The following C10orf143 variants were observed in gnomAD, a reference collection of about 807,000 sequenced individuals.
C10orf143 encodes the protein chromosome 10 open reading frame 143.
chr10:130,086,926 CA>C (rs1180175268), intron 1 of C10orf143, among the ~76,000 whole-genome samples: 12 of 152,184 alleles, frequency 7.9e-5, no homozygotes, highest in Non-Finnish European at 4.4e-5. Context: ...TGATTATCTG[CA>C]ATGAAAAGCT....
chr10:130,087,551 A>G (rs1861311921), intron 1 of C10orf143, among the ~76,000 whole-genome samples: 2 of 152,186 alleles, frequency 1.3e-5, no homozygotes, highest in Admixed American at 6.5e-5. Context: ...CACAGATCTC[A>G]GGAAGTCTTG....
chr10:130,042,869 G>A (rs940770477), intron 3 of C10orf143, among the ~76,000 whole-genome samples: 1 of 152,208 alleles, frequency 6.6e-6, no homozygotes, highest in African/African-American at 2.4e-5. Flanking sequence ...ACTCTATTAA[G>A]GAATTATGGA....
intron 1 of C10orf143, chr10:130,108,120 C>T: frequency 6.4e-7 from 1 of 1,552,158 alleles, no homozygotes. Context: ...TTTGTTCCTC[C>T]ACCTCTTGCC....
At chr10:130,091,600 G>A (rs755962259) in intron 1 of C10orf143, among the ~76,000 whole-genome samples, 14 of 152,102 alleles carry the variant, frequency 9.2e-5, no homozygotes, top group Non-Finnish European at 1.8e-4. Flanking sequence ...TTCAGAAGAT[G>A]GGTAATAACA....
intron 3 of C10orf143, among the ~76,000 whole-genome samples, chr10:130,047,573 C>A (rs995602376): frequency 6.6e-6 from 1 of 152,178 alleles, no homozygotes; most frequent in African/African-American, 2.4e-5. Context: ...ACTAAGGCCC[C>A]CCGCACTCCA....
In C10orf143 at chr10:130,064,168, C is replaced by T. The variant is rs1204448645; in HGVS notation, c.*186G>A. The T allele has an allele frequency of 3.1e-5, 12 of 390,808 alleles. No homozygotes were observed. In the South Asian group the frequency reaches 1.2e-3, roughly 37 times the overall value. 24.2% of individuals were successfully genotyped at this position (390,808 alleles called of 1,614,324 possible). On this transcript the variant is annotated 3_prime_UTR_variant, in exon 4 of 4. Transcript: ENST00000637128. ...TGAAGTGATGTGGATTCTCCTGGCT[C>T]TCGTGCAGAGGATGGTGGATTTACT...
intron 1 of C10orf143, 129 bp downstream of exon 1, chr10:130,110,575 G>A (rs1419426794): frequency 1.8e-5 from 7 of 397,132 alleles, no homozygotes; most frequent in Admixed American, 1.3e-4. Flanking sequence ...GGACGTACGC[G>A]AGCGTGCGAG....
chr10:130,110,769 C>T lies in C10orf143; in HGVS notation c.4G>A (p.Asp2Asn), dbSNP rs1478297184. 1 of 398,964 alleles carries T rather than the reference C, an allele frequency of 2.5e-6. No individual in the cohort carries two copies. The highest frequency in any genetic ancestry group is 4.4e-6 in the Non-Finnish European group (1 of 226,128). The allele number at this position is 398,964 out of a possible 1,614,324, so 24.7% of individuals were successfully genotyped here. The change falls in exon 1 of 4, where the codon GAC (aspartate) becomes AAC (asparagine). Residue 2 changes from aspartate (D) to asparagine (N), a missense_variant. By Grantham distance (23) the Asp-to-Asn change is conservative (BLOSUM62 1). Transcript: ENST00000637128. The part of the protein sequence containing the change: M[D>N]SLALGRWRQR... Reference sequence around the variant, plus strand: ...CGCCAGCGGCCGAGCGCTAAGCTGTCCATGCAGCCCCAGGGTCAAACCCTC... The same window carrying T: ...CGCCAGCGGCCGAGCGCTAAGCTGTTCATGCAGCCCCAGGGTCAAACCCTC...
rs1010839334 is a variant in C10orf143, at chr10:130,090,264, A to G, written c.70-10363T>C. 2.6e-5 allele frequency among the ~76,000 whole-genome samples: 4 copies of G among 152,150 alleles called. 1 individual carries two copies. Among genetic ancestry groups the G allele is most frequent in the South Asian group, 4.1e-4 (2 of 4,830 alleles). The stretch of plus-strand genomic sequence containing the variant: ...TACAGTGGGTGCAGCCCATGGAGGG[A>G]CAACTGAAGCAGGGTGGGGCATCGC... On this transcript the variant is annotated intron_variant, in intron 1 of 3. Coordinates refer to ENST00000637128, the MANE Select transcript of C10orf143 (RefSeq NM_001355042.2).
At chr10:130,108,374 A>G (rs548444045) in intron 1 of C10orf143, 1 of 1,152,696 alleles carries the variant, frequency 8.7e-7, no homozygotes, top group South Asian at 1.2e-5. Flanking sequence ...TTCTGAAGGT[A>G]GAAGTGAGTT....
At chr10:130,089,078 G>T (rs1342971419) in intron 1 of C10orf143, among the ~76,000 whole-genome samples, 2 of 152,174 alleles carry the variant, frequency 1.3e-5, no homozygotes, top group Non-Finnish European at 2.9e-5. Flanking sequence ...GTTCTGATAT[G>T]AGCAAGCCAA....
intron 3 of C10orf143, among the ~76,000 whole-genome samples, chr10:130,044,259 T>C (rs1049345370): frequency 6.6e-6 from 1 of 152,154 alleles, no homozygotes; most frequent in Non-Finnish European, 1.5e-5. Flanking sequence ...GAGAACAGGC[T>C]GAGCCTGATG....
chr10:130,057,839 G>A (rs1044126571), intron 3 of C10orf143, among the ~76,000 whole-genome samples: 1 of 152,224 alleles, frequency 6.6e-6, no homozygotes, highest in African/African-American at 2.4e-5. Flanking sequence ...GAGTGATGAT[G>A]CAGGTACTGT....
intron 1 of C10orf143, among the ~76,000 whole-genome samples, chr10:130,095,350 G>A (rs1215390591): frequency 6.6e-6 from 1 of 152,160 alleles, no homozygotes; most frequent in Admixed American, 6.6e-5. Context: ...TCAATATCGG[G>A]AAAATGGCCA....
chr10:130,108,281 T>C (rs560098907), intron 1 of C10orf143: 1 of 1,572,406 alleles, frequency 6.4e-7, no homozygotes, highest in African/African-American at 1.3e-5. Flanking sequence ...ACATGCTCCG[T>C]TTGCAATGAG....
At chr10:130,060,315 C>T (rs1275373554), downstream of C10orf143, among the ~76,000 whole-genome samples, 3 of 152,142 alleles carry the variant, frequency 2.0e-5, no homozygotes, top group Non-Finnish European at 4.4e-5. Flanking sequence ...AATATAATTG[C>T]AAAACTTTAC....
intron 3 of C10orf143, chr10:130,067,925 T>G (rs1208252522): frequency 6.6e-6 from 1 of 152,362 alleles, no homozygotes; most frequent in Admixed American, 6.6e-5. Flanking sequence ...TACAAAAGGA[T>G]TTGTCACAAA....
At chr10:130,107,293 C>T in intron 1 of C10orf143, 1 of 1,124,970 alleles carries the variant, frequency 8.9e-7, no homozygotes, top group South Asian at 1.2e-5. Context: ...CTAAGGTAGA[C>T]AAAAAGATCA....
At chr10:130,061,652 G>A (rs1860858450), downstream of C10orf143, among the ~76,000 whole-genome samples, 1 of 152,184 alleles carries the variant, frequency 6.6e-6, no homozygotes. Flanking sequence ...GTAAGAAAAT[G>A]TCTTTTTCCT....
Sources: gnomAD v4.1 joint callset for allele counts (sites outside exome capture counted in the v4.1 genomes callset) on GRCh38, gnomAD v4.1.1 for gene constraint, MANE v1.5 for transcripts, NCBI Gene and HGNC (gene_info 2026-07-23, HGNC 2026-07-21) for gene names.